The following NBAS variants were observed in gnomAD, a reference collection of about 807,000 sequenced individuals.
NBAS encodes the protein NAG/BC035112 fusion.
A neutral mutation model predicts 302.5 loss-of-function variants in NBAS; 219 were observed. That is an observed-to-expected ratio of 0.72 (90% CI 0.65 to 0.81). NBAS has a LOEUF of 0.81. NBAS is among the 30% of genes least tolerant of loss of function. The pLI, the probability that NBAS is intolerant of heterozygous loss-of-function variation, is 0.00. For synonymous variants in NBAS, 1,118 were observed against 1,021.6 expected (o/e 1.09, Z -1.80); for missense variants, 2,932 against 2,841.6 (o/e 1.03, Z -0.72).
At chr2:14,968,435 T>C in the NBAS span, among the ~76,000 whole-genome samples, 2 of 152,216 alleles carry the variant, frequency 1.3e-5, no homozygotes, top group South Asian at 4.2e-4. Context: ...TTGGGTTTTG[T>C]TCTTTTTTAG....
chr2:15,032,405 G>A, the NBAS span, among the ~76,000 whole-genome samples: 1 of 152,210 alleles, frequency 6.6e-6, no homozygotes, highest in Non-Finnish European at 1.5e-5. Flanking sequence ...TTGTAACATG[G>A]CAAATAACTT....
chr2:14,965,256 C>T, the NBAS span, among the ~76,000 whole-genome samples: 2 of 152,004 alleles, frequency 1.3e-5, no homozygotes, highest in Non-Finnish European at 2.9e-5. Flanking sequence ...AAATCTAGTA[C>T]TTTGACAGAT....
chr2:14,794,045 C>T, the NBAS span, among the ~76,000 whole-genome samples: 10 of 152,072 alleles, frequency 6.6e-5, no homozygotes, highest in African/African-American at 2.4e-4. Context: ...CTCTTAAAGA[C>T]TGCCTAAAAA....
At chr2:14,798,218 T>A in the NBAS span, among the ~76,000 whole-genome samples, 5 of 152,206 alleles carry the variant, frequency 3.3e-5, no homozygotes, top group African/African-American at 1.2e-4. Context: ...TTGATGTTAC[T>A]TAAAGGCTTT....
At chr2:15,242,690 A>G (rs141044232) in intron 44 of NBAS, among the ~76,000 whole-genome samples, 1 of 151,932 alleles carries the variant, frequency 6.6e-6, no homozygotes, top group African/African-American at 2.4e-5. Context: ...CCACGGTACC[A>G]TTATTCTTAA....
At chr2:14,949,486 A>C in the NBAS span, among the ~76,000 whole-genome samples, 1 of 152,198 alleles carries the variant, frequency 6.6e-6, no homozygotes. Flanking sequence ...ATGTGAAGCA[A>C]TGCTCAACAT....
the NBAS span, among the ~76,000 whole-genome samples, chr2:15,045,176 C>A: frequency 4.6e-5 from 7 of 152,184 alleles, no homozygotes; most frequent in African/African-American, 1.7e-4. Context: ...ACCACCAACG[C>A]CATGTGAGGC....
At chr2:15,528,572 T>C (rs1663047089) in intron 9 of NBAS, among the ~76,000 whole-genome samples, 1 of 149,960 alleles carries the variant, frequency 6.7e-6, no homozygotes, top group South Asian at 2.1e-4. Flanking sequence ...CAGTAAAATA[T>C]ATATGCATAC....
At chr2:15,366,133 A>T (rs1191209514) in intron 32 of NBAS, among the ~76,000 whole-genome samples, 2 of 152,236 alleles carry the variant, frequency 1.3e-5, no homozygotes, top group Non-Finnish European at 2.9e-5. Flanking sequence ...AAGTTTTCTA[A>T]CAAATTGTTC....
downstream of NBAS, among the ~76,000 whole-genome samples, chr2:15,166,493 G>GT (rs2125092903): frequency 6.6e-6 from 1 of 152,304 alleles, no homozygotes; most frequent in South Asian, 2.1e-4. Flanking sequence ...CTCCGGCTGT[G>GT]TATCTGATAG....
At chr2:15,022,935 GT>G in the NBAS span, among the ~76,000 whole-genome samples, 4 of 150,142 alleles carry the variant, frequency 2.7e-5, no homozygotes, top group African/African-American at 4.9e-5. Flanking sequence ...TTCCTATTTA[GT>G]TTTTTTTTAT....
chr2:15,470,401 C>T (rs1387443083), intron 16 of NBAS, among the ~76,000 whole-genome samples: 1 of 152,202 alleles, frequency 6.6e-6, no homozygotes, highest in Admixed American at 6.5e-5. Flanking sequence ...CCAGTGTTCA[C>T]TATTGTCAAA....
chr2:15,103,700 G>A, the NBAS span, among the ~76,000 whole-genome samples: 24 of 152,188 alleles, frequency 1.6e-4, no homozygotes, highest in Admixed American at 5.9e-4. Flanking sequence ...GCAGTTTTGC[G>A]CCTAAGAGTT....
intron 26 of NBAS, among the ~76,000 whole-genome samples, chr2:15,400,302 A>G (rs572025457): frequency 1.3e-5 from 2 of 152,288 alleles, no homozygotes; most frequent in Admixed American, 6.5e-5. Flanking sequence ...CAAGTAGTTC[A>G]TGAGGGTGAT....
the NBAS span, among the ~76,000 whole-genome samples, chr2:15,074,789 T>C: frequency 6.6e-6 from 1 of 152,140 alleles, no homozygotes; most frequent in Non-Finnish European, 1.5e-5. Flanking sequence ...AAACCTTATA[T>C]CCACATGAGA....
the NBAS span, among the ~76,000 whole-genome samples, chr2:14,873,307 C>A: frequency 6.6e-6 from 1 of 152,162 alleles, no homozygotes; most frequent in Non-Finnish European, 1.5e-5. Context: ...AGTCCCCACC[C>A]GATCCAGAAG....
intron 10 of NBAS, among the ~76,000 whole-genome samples, chr2:15,505,600 G>C (rs1661807924): frequency 6.6e-6 from 1 of 152,176 alleles, no homozygotes; most frequent in Admixed American, 6.6e-5. Flanking sequence ...TAAGGTATTT[G>C]AACTTTGCTA....
the NBAS span, among the ~76,000 whole-genome samples, chr2:14,847,673 C>A: frequency 6.6e-6 from 1 of 152,018 alleles, no homozygotes; most frequent in Admixed American, 6.6e-5. Context: ...TAGATAGACT[C>A]CAATATTAGC....
intron 12 of NBAS, among the ~76,000 whole-genome samples, chr2:15,485,180 G>GT (rs1371327850): frequency 1.3e-5 from 2 of 151,836 alleles, no homozygotes; most frequent in Admixed American, 1.3e-4. Flanking sequence ...TAGCTCAAGA[G>GT]TTAAGCATAT....
Sources: gnomAD v4.1 joint callset for allele counts (sites outside exome capture counted in the v4.1 genomes callset) on GRCh38, gnomAD v4.1.1 for gene constraint, MANE v1.5 for transcripts, NCBI Gene and HGNC (gene_info 2026-07-23, HGNC 2026-07-21) for gene names.